The following XIAP variants were observed in gnomAD, a reference collection of about 807,000 sequenced individuals.
XIAP encodes the protein X-linked inhibitor of apoptosis, also known as E3 ubiquitin-protein ligase XIAP.
XIAP carries 3 observed loss-of-function variants against 33.1 expected under a neutral mutation model. That is an observed-to-expected ratio of 0.09 (90% CI 0.04 to 0.23). The LOEUF is 0.23. Ranked by LOEUF, XIAP falls within the 10% of genes least tolerant of loss-of-function variation. The pLI is 1.00. For missense variants in XIAP, 264 were observed against 363.0 expected (o/e 0.73, Z 2.22); for synonymous variants, 98 against 121.3 (o/e 0.81, Z 1.26).
At chrX:123,876,245 T>C (rs1178577316) in intron 1 of XIAP, among the ~76,000 whole-genome samples, 1 of 110,001 alleles carries the variant, frequency 9.1e-6, no homozygotes, top group Non-Finnish European at 1.9e-5. Context: ...CCAACTACTT[T>C]AGTCAGATGC....
At chrX:123,882,155 A>G (rs1283977523) in intron 1 of XIAP, among the ~76,000 whole-genome samples, 1 of 112,096 alleles carries the variant, frequency 8.9e-6, no homozygotes, top group East Asian at 2.8e-4. Context: ...CTTCAGGATA[A>G]TTATAGACTT....
intron 1 of XIAP, among the ~76,000 whole-genome samples, chrX:123,862,084 A>AT (rs897011525): frequency 0.011 from 1,164 of 107,017 alleles, 15 homozygotes; most frequent in African/African-American, 0.037. Context: ...TAATTAATTA[A>AT]TTTTTTTTTT....
At position 123,910,555 on chromosome X, in the gene XIAP, T is replaced by C. The variant is rs1383172092; in HGVS notation, c.*3374T>C. 1.5e-5 allele frequency: 5 copies of C among 329,228 alleles called. No homozygotes were observed. The Admixed American group carries it at 1.6e-4, about 10-fold the overall frequency. 27.1% of individuals were successfully genotyped at this position (329,228 alleles called of 1,213,427 possible). The stretch of plus-strand genomic sequence containing the variant: ...TAGGATATACTATGGGATGTATATA[T>C]ATCATTGCTGTTAGAGAAATGAAAT... On this transcript the variant is annotated 3_prime_UTR_variant, in exon 7 of 7. Transcript: ENST00000371199.
At position 123,908,282 on chromosome X, in the gene XIAP, A is replaced by C. The variant is rs1211579580; in HGVS notation, c.*1101A>C. ...GTGGTAGTTTTTTGACAGGTAGACC[A>C]TGTCTTATCTTGTTTCAAAATAAGT... On this transcript the variant is annotated 3_prime_UTR_variant, in exon 7 of 7. Coordinates refer to ENST00000371199, the MANE Select transcript of XIAP (RefSeq NM_001167.4). 2 of 364,391 alleles carry C rather than the reference A, an allele frequency of 5.5e-6. No individual in the cohort carries two copies. The highest frequency in any genetic ancestry group is 5.1e-5 in the African/African-American group (2 of 39,321). 30.0% of individuals were successfully genotyped at this position (364,391 alleles called of 1,213,427 possible). A position where few individuals can be genotyped will look rare whatever the true frequency, so the allele number is the denominator to read the frequency against.
chrX:123,882,137 C>T (rs1364734854), intron 1 of XIAP, among the ~76,000 whole-genome samples: 2 of 111,933 alleles, frequency 1.8e-5, no homozygotes, highest in Admixed American at 9.6e-5. Flanking sequence ...TTATACTGAG[C>T]ATTAATTCTT....
At chrX:123,890,192 AT>A (rs1289850769) in intron 3 of XIAP, among the ~76,000 whole-genome samples, 1 of 99,424 alleles carries the variant, frequency 1.0e-5, no homozygotes, top group Non-Finnish European at 2.0e-5. Context: ...AATTTTTTGT[AT>A]TTTTACTAGA....
At chrX:123,880,874 C>G (rs1027777171) in intron 1 of XIAP, among the ~76,000 whole-genome samples, 2 of 110,747 alleles carry the variant, frequency 1.8e-5, no homozygotes, top group Non-Finnish European at 3.8e-5. Flanking sequence ...TCAACCTCCT[C>G]TCCTTGGCAC....
At chrX:123,901,270 A>G (rs1399239016) in intron 6 of XIAP, among the ~76,000 whole-genome samples, 2 of 112,002 alleles carry the variant, frequency 1.8e-5, no homozygotes, top group African/African-American at 6.5e-5. Context: ...CTGTAGTCCC[A>G]GCTCCTTGGG....
chrX:123,907,663 G>A lies in XIAP; in HGVS notation c.*482G>A, dbSNP rs144625027. ...AGATAGAGATTGTTTTTAGAGGTTG[G>A]TTGTTGTGTTTTAGGATTCTGTCCA... On this transcript the variant is annotated 3_prime_UTR_variant, in exon 7 of 7. Coordinates refer to ENST00000371199, the MANE Select transcript of XIAP (RefSeq NM_001167.4). 1.1e-3 allele frequency: 419 copies of A among 372,008 alleles called. 2 individuals carry two copies. Among genetic ancestry groups the A allele is most frequent in the African/African-American group, 9.2e-3 (370 of 40,068 alleles). The allele number at this position is 372,008 out of a possible 1,213,427, so 30.7% of individuals were successfully genotyped here. A position where few individuals can be genotyped will look rare whatever the true frequency, so the allele number is the denominator to read the frequency against.
At chrX:123,875,716 C>T (rs1433650082) in intron 1 of XIAP, among the ~76,000 whole-genome samples, 5 of 107,948 alleles carry the variant, frequency 4.6e-5, no homozygotes, top group African/African-American at 1.4e-4. Flanking sequence ...GACGGAGTCT[C>T]GCTGTGTCGC....
rs746941732 is a variant in XIAP at position 123,907,108 on chromosome X, G to T, written c.1421G>T (p.Cys474Phe). 8.3e-7 allele frequency: 1 copy of T among 1,211,675 alleles called. No homozygotes were observed. ...GGACATCTAGTCACTTGTAAACAAT[G>T]TGCTGAAGCAGTTGACAAGTGTCCC... ...PCGHLVTCKQ[C>F]AEAVDKCPMC... The change falls in exon 7 of 7, where the codon TGT (cysteine) becomes TTT (phenylalanine). Residue 474 changes from cysteine (C) to phenylalanine (F), a missense_variant. Cys to Phe is a radical substitution (Grantham distance 205). Coordinates refer to ENST00000371199, the MANE Select transcript of XIAP (RefSeq NM_001167.4).
At chrX:123,879,934 G>A (rs1453203927) in intron 1 of XIAP, among the ~76,000 whole-genome samples, 1 of 106,819 alleles carries the variant, frequency 9.4e-6, no homozygotes, top group Non-Finnish European at 1.9e-5. Flanking sequence ...CTAACACAGT[G>A]AAACCCCGTC....
chrX:123,861,886 G>A (rs1472817680), intron 1 of XIAP, among the ~76,000 whole-genome samples: 1 of 111,579 alleles, frequency 9.0e-6, no homozygotes, highest in Non-Finnish European at 1.9e-5. Flanking sequence ...ATGTAAGATA[G>A]TAAAAATAAT....
At chrX:123,888,008 A>T (rs941368222) in intron 2 of XIAP, among the ~76,000 whole-genome samples, 22 of 63,599 alleles carry the variant, frequency 3.5e-4, no homozygotes, top group Middle Eastern at 0.011. Context: ...AATAATTAAT[A>T]AATAAATAAA....
chrX:123,880,360 G>A lies in XIAP; in HGVS notation c.-32-5271G>A, dbSNP rs372238810. On this transcript the variant is annotated intron_variant, in intron 1 of 6. Transcript: ENST00000371199. ...CAAGAGGCGGAGGTTGTGGTGAACC[G>A]AGGTCGTGCCATTGCACTCCAGCCT... 3.8e-5 allele frequency among the ~76,000 whole-genome samples: 4 copies of A among 106,041 alleles called. No individual in the cohort carries two copies. The East Asian group carries it at 1.2e-3, about 31-fold the overall frequency. The allele number at this position is 106,041 out of a possible 115,157, so 92.1% of individuals were successfully genotyped here.
chrX:123,860,383 C>G (rs2053067701), intron 1 of XIAP, 90 bp downstream of exon 1: 1 of 307,350 alleles, frequency 3.3e-6, no homozygotes, highest in Middle Eastern at 1.0e-3. Flanking sequence ...CCACTTCCCT[C>G]GGGCCGGCGC....
chrX:123,874,195 G>C (rs1410895569), intron 1 of XIAP, among the ~76,000 whole-genome samples: 1 of 111,706 alleles, frequency 9.0e-6, no homozygotes, highest in East Asian at 2.8e-4. Flanking sequence ...CCCATAGTCT[G>C]GTTGGCAGGA....
rs2053063971 is a variant in XIAP, at chrX:123,860,072, A to T, written c.-254A>T. The T allele has an allele frequency of 3.0e-6, 1 of 328,147 alleles. No homozygotes were observed. The highest frequency in any genetic ancestry group is 5.9e-6 in the Non-Finnish European group (1 of 169,651). The allele number at this position is 328,147 out of a possible 1,213,427, so 27.0% of individuals were successfully genotyped here. ...CTCTTTGAGGCCCTGACGTGGACACACTTCGGGTTTCACGACTCCGGGTTT... is the reference window on the plus strand; with the variant it reads ...CTCTTTGAGGCCCTGACGTGGACACTCTTCGGGTTTCACGACTCCGGGTTT... On this transcript the variant is annotated 5_prime_UTR_variant, in exon 1 of 7. Coordinates refer to ENST00000371199, the MANE Select transcript of XIAP (RefSeq NM_001167.4).
chrX:123,866,910 C>T (rs184324285), intron 1 of XIAP, among the ~76,000 whole-genome samples: 369 of 108,328 alleles, frequency 3.4e-3, no homozygotes, highest in African/African-American at 0.012. Flanking sequence ...GTGATCTGCC[C>T]GCCTCGGCCT....
Sources: allele counts gnomAD v4.1 joint callset (sites outside exome capture counted in the v4.1 genomes callset), GRCh38; gene constraint gnomAD v4.1.1; transcripts MANE v1.5; gene names NCBI Gene and HGNC (gene_info 2026-07-23, HGNC 2026-07-21).